Variants in XYLT1 observed in about 807,000 individuals in gnomAD.
XYLT1 encodes beta-D-xylosyltransferase 1.
In XYLT1, 36 loss-of-function variants were observed where a neutral mutation model predicts 91.3. The ratio of observed to expected loss-of-function variants is 0.39; its 90% confidence interval spans 0.30 to 0.52. The LOEUF (loss-of-function observed/expected upper bound fraction) is 0.52. XYLT1 is among the 20% of genes least tolerant of loss of function. The probability of loss-of-function intolerance (pLI) is 0.68; values close to 1 mark genes in which losing one functional copy is unlikely to be tolerated. For missense variants in XYLT1, 1,242 were observed against 1,284.5 expected, an observed-to-expected ratio of 0.97 and a Z score of 0.51; for synonymous variants, 588 against 532.0, an observed-to-expected ratio of 1.11 and a Z score of -1.45.
In XYLT1 at chr16:17,378,246, GAA is replaced by G. The variant is rs149674570; in HGVS notation, c.364-20198_364-20197del. On this transcript the variant is annotated intron_variant, in intron 1 of 11. Coordinates refer to ENST00000261381, the MANE Select transcript of XYLT1 (RefSeq NM_022166.4). ...GGACAATATGCATGGGTGTGTGTGA[GAA>G]AGAGGAAGAGACTGCAGTTCCCATA... is the stretch of plus-strand genomic sequence containing the variant. 7.0e-3 allele frequency among the ~76,000 whole-genome samples: 1,060 copies of G among 152,124 alleles called. 8 individuals carry two copies. Among genetic ancestry groups the G allele is most frequent in the African/African-American group, 0.02 (828 of 41,496 alleles).
chr16:17,443,032 T>C (rs991534842), intron 1 of XYLT1, among the ~76,000 whole-genome samples: 3 of 152,158 alleles, frequency 2.0e-5, no homozygotes, highest in Admixed American at 6.5e-5. Flanking sequence ...ACTGGACGCA[T>C]TGGAGCAGAC....
At position 17,470,569 on chromosome 16, in the gene XYLT1, T is replaced by A. The variant is rs904119368; in HGVS notation, c.228A>T (p.Ala76=). The change falls in exon 1 of 12, where the codon GCA becomes GCT. Residue 76 remains alanine (A), a synonymous_variant. Transcript: ENST00000261381. The part of the protein sequence containing the change: ...ERRDLPAEPA[A]ARGGGGGGGG... ...CGCCGCCTCCTCCTCCTCCTCGGGC[T>A]GCAGCCGGCTCGGCGGGCAGGTCCC... 2.5e-6 allele frequency: 3 copies of A among 1,204,800 alleles called. No individual in the cohort carries two copies. Among genetic ancestry groups the A allele is most frequent in the African/African-American group, 3.2e-5 (2 of 62,648 alleles). The allele number at this position is 1,204,800 out of a possible 1,614,324, so 74.6% of individuals were successfully genotyped here.
At position 17,273,641 on chromosome 16, in the gene XYLT1, CG is replaced by C. The variant is rs569988032; in HGVS notation, c.403-14144del. ...GGCAGATCACTGGAGTTCAGGAGTTCGAGGCCAGCCTGGCTAACATGATGAA... is the reference window on the plus strand; with the variant it reads ...GGCAGATCACTGGAGTTCAGGAGTTCAGGCCAGCCTGGCTAACATGATGAA... On this transcript the variant is annotated intron_variant, in intron 2 of 11. Transcript: ENST00000261381. 4.2e-3 allele frequency among the ~76,000 whole-genome samples: 644 copies of C among 152,144 alleles called. 5 individuals are homozygous for C. The highest frequency in any genetic ancestry group is 0.013 in the African/African-American group (549 of 41,560).
chr16:17,204,756 T>C (rs1426816788), intron 3 of XYLT1, among the ~76,000 whole-genome samples: 1 of 152,148 alleles, frequency 6.6e-6, no homozygotes, highest in African/African-American at 2.4e-5. Context: ...GAGCTGAGAA[T>C]GGAGTGAGTC....
At chr16:17,448,690 G>A (rs984846031) in intron 1 of XYLT1, among the ~76,000 whole-genome samples, 1 of 36,304 alleles carries the variant, frequency 2.8e-5, no homozygotes, top group Admixed American at 2.3e-4. Context: ...GGAGGTGGAG[G>A]GGGGAGGAGG....
At chr16:17,234,202 C>G (rs1309910545) in intron 3 of XYLT1, among the ~76,000 whole-genome samples, 1 of 152,150 alleles carries the variant, frequency 6.6e-6, no homozygotes, top group Non-Finnish European at 1.5e-5. Flanking sequence ...CCAAGAATGC[C>G]TAGCTTGTGA....
At chr16:17,444,661 G>T (rs1359806978) in intron 1 of XYLT1, among the ~76,000 whole-genome samples, 3 of 152,036 alleles carry the variant, frequency 2.0e-5, no homozygotes, top group Non-Finnish European at 4.4e-5. Context: ...TTTTATTGTA[G>T]GTGCCTAGGA....
chr16:17,448,996 G>T (rs1015939899), intron 1 of XYLT1, among the ~76,000 whole-genome samples: 4 of 152,316 alleles, frequency 2.6e-5, no homozygotes, highest in African/African-American at 9.6e-5. Flanking sequence ...TTGGCGCCAA[G>T]TCCCCGTGCT....
intron 3 of XYLT1, chr16:17,250,759 AG>A (rs1416382428): frequency 2.0e-5 from 3 of 152,264 alleles, no homozygotes; most frequent in African/African-American, 7.2e-5. Flanking sequence ...GAGATGCCAA[AG>A]GGCCCAGTTG....
At chr16:17,215,529 G>A (rs980167754) in intron 3 of XYLT1, among the ~76,000 whole-genome samples, 5 of 152,148 alleles carry the variant, frequency 3.3e-5, no homozygotes, top group Non-Finnish European at 7.3e-5. Context: ...CTGGCACCCT[G>A]ATCTCAGATT....
At chr16:17,166,910 G>A (rs552885614) in intron 5 of XYLT1, among the ~76,000 whole-genome samples, 66 of 152,088 alleles carry the variant, frequency 4.3e-4, no homozygotes, top group Non-Finnish European at 7.6e-4. Context: ...GGGGTGATTT[G>A]GGGGAAGGAA....
rs8048242 is a variant in XYLT1, at chr16:17,292,834, T to A, written c.403-33336A>T. Among the ~76,000 whole-genome samples the A allele has an allele frequency of 8.5e-3, 1,296 of 152,240 alleles. 18 individuals carry two copies. Among genetic ancestry groups the A allele is most frequent in the African/African-American group, 0.029 (1,200 of 41,528 alleles). The stretch of plus-strand genomic sequence containing the variant: ...AATACAGAGGCCACTTCCTCACATC[T>A]CTCCACACTTTGCCCAGTCCCACGG... On this transcript the variant is annotated intron_variant, in intron 2 of 11. Transcript: ENST00000261381.
At chr16:17,354,289 A>G (rs907049130) in intron 2 of XYLT1, among the ~76,000 whole-genome samples, 3 of 152,204 alleles carry the variant, frequency 2.0e-5, no homozygotes, top group South Asian at 4.1e-4. Flanking sequence ...CTGGCCGTTA[A>G]GCAGAGAGTC....
At chr16:17,393,752 G>GAATT (rs1191434541) in intron 1 of XYLT1, among the ~76,000 whole-genome samples, 2 of 150,860 alleles carry the variant, frequency 1.3e-5, no homozygotes, top group Non-Finnish European at 3.0e-5. Context: ...CATCTCAAAA[G>GAATT]AATTAATTAA....
rs770155770 is a variant in XYLT1 at position 17,138,548 on chromosome 16, GACCCAGCCTGAGACCTC to G, written c.1588-34_1588-18del. ...GAAGAAGGACTGCAGGGGAGAGAGG[GACCCAGCCTGAGACCTC>G]TCCCAGCCTCCCACAGATGAACTGG... On this transcript the variant is annotated intron_variant, in intron 7 of 11. Transcript: ENST00000261381. 89 of 1,609,706 alleles carry G rather than the reference GACCCAGCCTGAGACCTC, an allele frequency of 5.5e-5. No homozygotes were observed. The highest frequency in any genetic ancestry group is 3.0e-4 in the Admixed American group (18 of 59,930).
chr16:17,246,294 T>C (rs2033434866), intron 3 of XYLT1, among the ~76,000 whole-genome samples: 1 of 152,242 alleles, frequency 6.6e-6, no homozygotes, highest in African/African-American at 2.4e-5. Context: ...TTAAGTGTTA[T>C]TATTTAAGAG....
At chr16:17,149,882 T>C (rs142808594) in intron 6 of XYLT1, among the ~76,000 whole-genome samples, 124 of 152,298 alleles carry the variant, frequency 8.1e-4, no homozygotes, top group African/African-American at 2.9e-3. Context: ...TGAGATTGTA[T>C]ACAGGGAGGG....
chr16:17,365,094 T>G (rs2035434416), intron 1 of XYLT1, among the ~76,000 whole-genome samples: 1 of 152,184 alleles, frequency 6.6e-6, no homozygotes, highest in Admixed American at 6.5e-5. Context: ...AGCGTTGGTG[T>G]TCACGCTCTG....
chr16:17,303,578 A>G (rs1220443205), intron 2 of XYLT1, among the ~76,000 whole-genome samples: 1 of 152,230 alleles, frequency 6.6e-6, no homozygotes, highest in Non-Finnish European at 1.5e-5. Flanking sequence ...GGCCATTGTG[A>G]GGGTTCTAGG....
Sources: allele counts gnomAD v4.1 joint callset (sites outside exome capture counted in the v4.1 genomes callset), GRCh38; gene constraint gnomAD v4.1.1; transcripts MANE v1.5; gene names NCBI Gene and HGNC (gene_info 2026-07-23, HGNC 2026-07-21).